The following MIS18A variants were observed in gnomAD, a reference collection of about 807,000 sequenced individuals.
MIS18A encodes MIS18 kinetochore protein A.
MIS18A carries 14 observed loss-of-function variants against 25.0 expected under a neutral mutation model. The ratio of observed to expected loss-of-function variants is 0.56; its 90% CI spans 0.37 to 0.88. MIS18A has a LOEUF of 0.88. Among genes scored for constraint, MIS18A ranks in the 40% least tolerant of loss-of-function variants. The pLI is 0.00. For synonymous variants in MIS18A, 134 were observed against 118.6 expected (o/e 1.13, Z -0.84); for missense variants, 292 against 290.8 (o/e 1.00, Z -0.03).
chr21:32,227,446 A>T, the MIS18A span, among the ~76,000 whole-genome samples: 2 of 152,238 alleles, frequency 1.3e-5, no homozygotes, highest in African/African-American at 4.8e-5. Flanking sequence ...TACACCAAAA[A>T]ATCAGATAAC....
the MIS18A span, among the ~76,000 whole-genome samples, chr21:32,182,532 C>T: frequency 3.3e-5 from 5 of 152,330 alleles, no homozygotes; most frequent in African/African-American, 7.2e-5. Context: ...TCATCATTCC[C>T]GGCTGCTCAG....
chr21:32,268,940 C>CTTT lies in MIS18A; in HGVS notation c.*94_*96dup. ...CGCATGCCTGGCTAATTTTTTTTTT[C>CTTT]TTTTTTTTTTTGTAGAGACGACGTC... On this transcript the variant is annotated 3_prime_UTR_variant, in exon 5 of 5. Transcript: ENST00000290130. The CTTT allele has an allele frequency of 2.4e-5, 13 of 552,066 alleles. No homozygotes were observed. Among genetic ancestry groups the CTTT allele is most frequent in the South Asian group, 1.5e-4 (4 of 26,344 alleles). 34.2% of individuals were successfully genotyped at this position (552,066 alleles called of 1,614,324 possible). A position where few individuals can be genotyped will look rare whatever the true frequency, so the allele number is the denominator to read the frequency against.
chr21:32,262,229 C>T, the MIS18A span, among the ~76,000 whole-genome samples: 1 of 152,170 alleles, frequency 6.6e-6, no homozygotes, highest in Non-Finnish European at 1.5e-5. Context: ...TGCTCCGCAC[C>T]TCCTAAATGA....
At position 32,269,040 on chromosome 21, in the gene MIS18A, G is replaced by A. The variant is rs747020541; in HGVS notation, c.699C>T (p.Ser233=). The A allele has an allele frequency of 6.3e-7, 1 of 1,598,946 alleles. No homozygotes were observed. Among genetic ancestry groups the A allele is most frequent in the Non-Finnish European group, 8.5e-7 (1 of 1,170,232 alleles). ...AATGGAGGACACAGACTAGAGTTCA[G>A]CTTTTACAAGTGGCAAAGGACAATT... ...ESKLSFATCK[S] is the part of the protein sequence containing the mutation. The change falls in exon 5 of 5, where the codon AGC becomes AGT. Residue 233 remains serine, a synonymous_variant. Coordinates refer to ENST00000290130, the MANE Select transcript of MIS18A (RefSeq NM_018944.3).
At chr21:32,163,505 T>C in the MIS18A span, among the ~76,000 whole-genome samples, 48 of 152,342 alleles carry the variant, frequency 3.2e-4, no homozygotes, top group East Asian at 9.3e-3. Flanking sequence ...GCCAAGGTTA[T>C]GACCTTGCCT....
chr21:32,269,222 T>C (rs939247845), intron 4 of MIS18A, 105 bp from the exon 5 acceptor site: 5 of 823,678 alleles, frequency 6.1e-6, no homozygotes, highest in Non-Finnish European at 9.3e-6. Flanking sequence ...TTTGGATATG[T>C]CATACATTAC....
At chr21:32,171,211 T>A in the MIS18A span, among the ~76,000 whole-genome samples, 1 of 152,046 alleles carries the variant, frequency 6.6e-6, no homozygotes, top group African/African-American at 2.4e-5. Flanking sequence ...TAGCAGATGG[T>A]ATGATCTTCT....
At chr21:32,220,647 G>A in the MIS18A span, among the ~76,000 whole-genome samples, 1 of 152,114 alleles carries the variant, frequency 6.6e-6, no homozygotes, top group Admixed American at 6.5e-5. Flanking sequence ...ATTGACAGAA[G>A]CAGGCTTCAG....
the MIS18A span, among the ~76,000 whole-genome samples, chr21:32,182,090 C>T: frequency 6.6e-6 from 1 of 152,206 alleles, no homozygotes; most frequent in Non-Finnish European, 1.5e-5. Flanking sequence ...ATCATTATTG[C>T]TATTTCAAAT....
the MIS18A span, among the ~76,000 whole-genome samples, chr21:32,205,857 G>A: frequency 6.6e-5 from 10 of 152,306 alleles, no homozygotes; most frequent in South Asian, 1.7e-3. Flanking sequence ...TAAGGTTCAA[G>A]GGAGCAAGAA....
the MIS18A span, among the ~76,000 whole-genome samples, chr21:32,184,682 G>T: frequency 6.6e-6 from 1 of 152,048 alleles, no homozygotes; most frequent in Admixed American, 6.5e-5. Context: ...TGTCCCACTT[G>T]CACTTCATGC....
intron 1 of MIS18A, among the ~76,000 whole-genome samples, chr21:32,277,522 G>A (rs547736833): frequency 6.6e-6 from 1 of 152,062 alleles, no homozygotes; most frequent in African/African-American, 2.4e-5. Context: ...GCGCAATCTC[G>A]GCCCACTGCA....
At chr21:32,231,742 T>C in the MIS18A span, among the ~76,000 whole-genome samples, 2 of 152,042 alleles carry the variant, frequency 1.3e-5, no homozygotes, top group African/African-American at 4.8e-5. Context: ...TGAAACCTCG[T>C]CTCTACTAAA....
chr21:32,202,274 T>A, the MIS18A span, among the ~76,000 whole-genome samples: 4 of 151,276 alleles, frequency 2.6e-5, no homozygotes, highest in African/African-American at 9.7e-5. Flanking sequence ...GGTGACAGAC[T>A]GTGACCTTGC....
At chr21:32,276,774 T>C (rs940756434) in intron 1 of MIS18A, among the ~76,000 whole-genome samples, 9 of 151,960 alleles carry the variant, frequency 5.9e-5, no homozygotes, top group Non-Finnish European at 1.3e-4. Context: ...TACAAAAAAT[T>C]TAAAGATTAG....
chr21:32,231,404 A>G, the MIS18A span, among the ~76,000 whole-genome samples: 6 of 152,234 alleles, frequency 3.9e-5, no homozygotes, highest in African/African-American at 1.2e-4. Context: ...AACCATGAAG[A>G]TAATACAAAT....
At chr21:32,188,456 G>T in the MIS18A span, among the ~76,000 whole-genome samples, 1 of 152,190 alleles carries the variant, frequency 6.6e-6, no homozygotes, top group Non-Finnish European at 1.5e-5. Context: ...ATCTTTCACA[G>T]TGGGCAGTAA....
chr21:32,155,127 C>T, the MIS18A span, among the ~76,000 whole-genome samples: 2 of 152,054 alleles, frequency 1.3e-5, no homozygotes, highest in Admixed American at 1.3e-4. Context: ...GTATTTTATC[C>T]TGTTAGTAAA....
At chr21:32,237,356 C>T in the MIS18A span, among the ~76,000 whole-genome samples, 1 of 152,220 alleles carries the variant, frequency 6.6e-6, no homozygotes, top group Non-Finnish European at 1.5e-5. Context: ...CAGCATAACT[C>T]AGCCTGGCCT....
Sources: gnomAD v4.1 joint callset for allele counts (sites outside exome capture counted in the v4.1 genomes callset) on GRCh38, gnomAD v4.1.1 for gene constraint, MANE v1.5 for transcripts, NCBI Gene and HGNC (gene_info 2026-07-23, HGNC 2026-07-21) for gene names.